DIP2C: variants seen among roughly 807,000 people sequenced by gnomAD.
DIP2C encodes DIP2 acetate--CoA ligase C (putative), also known as disco-interacting protein 2 homolog C.
A neutral mutation model predicts 192.4 loss-of-function variants in DIP2C; 33 were observed. That is an observed-to-expected ratio of 0.17 (90% CI 0.13 to 0.23). The LOEUF is 0.23. DIP2C is among the 10% of genes least tolerant of loss of function. The pLI, the probability that DIP2C is intolerant of heterozygous loss-of-function variation, is 1.00. For synonymous variants in DIP2C, 979 were observed against 864.1 expected (o/e 1.13, Z -2.33); for missense variants, 1,537 against 2,110.1 (o/e 0.73, Z 5.32).
chr10:415,606 G>C (rs1965575938), intron 7 of DIP2C, among the ~76,000 whole-genome samples, 163 bp downstream of exon 7: 1 of 152,110 alleles, frequency 6.6e-6, no homozygotes, highest in Non-Finnish European at 1.5e-5. Context: ...CCGACACCAA[G>C]GCTGCCTGGG....
intron 1 of DIP2C, among the ~76,000 whole-genome samples, chr10:660,294 AGAGATT>A (rs1564317313): frequency 6.7e-6 from 1 of 150,358 alleles, no homozygotes; most frequent in African/African-American, 2.5e-5. Context: ...TGTATGAAAC[AGAGATT>A]CTAGCCCTTG....
chr10:610,725 G>A, intron 1 of DIP2C, among the ~76,000 whole-genome samples: 1 of 151,782 alleles, frequency 6.6e-6, no homozygotes, highest in Non-Finnish European at 1.5e-5. Flanking sequence ...CTGGTGGGCG[G>A]TGACTGACTC....
chr10:616,404 T>C (rs1344147501), intron 1 of DIP2C, among the ~76,000 whole-genome samples: 1 of 152,238 alleles, frequency 6.6e-6, no homozygotes, highest in Non-Finnish European at 1.5e-5. Flanking sequence ...CAAATTAATT[T>C]GCTTTGTTCA....
intron 1 of DIP2C, among the ~76,000 whole-genome samples, chr10:598,584 C>T (rs910325087): frequency 6.6e-6 from 1 of 152,102 alleles, no homozygotes; most frequent in African/African-American, 2.4e-5. Flanking sequence ...TCACGCCACC[C>T]CTCCCCACCC....
At chr10:538,165 G>C (rs1431708926) in intron 1 of DIP2C, among the ~76,000 whole-genome samples, 2 of 152,060 alleles carry the variant, frequency 1.3e-5, no homozygotes, top group African/African-American at 4.8e-5. Flanking sequence ...GCTTCCCGAG[G>C]AGTTTTCTTT....
chr10:307,740 C>A (rs1190502544), intron 32 of DIP2C, among the ~76,000 whole-genome samples: 1 of 152,218 alleles, frequency 6.6e-6, no homozygotes, highest in African/African-American at 2.4e-5. Context: ...GGAAGGGCAG[C>A]GTGGTGTCCC....
At chr10:314,560 C>T (rs1200306044) in intron 31 of DIP2C, among the ~76,000 whole-genome samples, 4 of 152,346 alleles carry the variant, frequency 2.6e-5, no homozygotes, top group African/African-American at 7.2e-5. Flanking sequence ...AGCTGGACGC[C>T]GTCCTTCCCA....
chr10:662,155 C>G, intron 1 of DIP2C: 3 of 716,756 alleles, frequency 4.2e-6, no homozygotes, highest in Non-Finnish European at 7.8e-6. Context: ...ATCTAACTTT[C>G]TGCCCTCAGA....
intron 1 of DIP2C, among the ~76,000 whole-genome samples, chr10:505,694 C>T (rs757345192): frequency 3.2e-4 from 49 of 151,514 alleles, no homozygotes; most frequent in African/African-American, 6.8e-4. Flanking sequence ...GTGCCCCTGA[C>T]GCCACAGGAG....
chr10:435,946 A>G (rs946502278), intron 4 of DIP2C, among the ~76,000 whole-genome samples: 3 of 151,754 alleles, frequency 2.0e-5, no homozygotes, highest in Non-Finnish European at 2.9e-5. Flanking sequence ...CTTTAAACCT[A>G]CTTTGTAGCC....
intron 1 of DIP2C, among the ~76,000 whole-genome samples, chr10:560,388 A>G (rs1420472009): frequency 2.0e-5 from 3 of 152,100 alleles, no homozygotes; most frequent in Non-Finnish European, 4.4e-5. Flanking sequence ...CATTTAAAAA[A>G]AAAAAGAAAA....
rs550481276 is a variant in DIP2C at position 367,160 on chromosome 10, G to A, written c.2132-749C>T. 2.6e-5 allele frequency among the ~76,000 whole-genome samples: 4 copies of A among 152,350 alleles called. No individual in the cohort carries two copies. In the East Asian group the frequency reaches 5.8e-4, roughly 22 times the overall value. The stretch of plus-strand genomic sequence containing the variant: ...AGGCCGGACGCGGTGGCTCACGCCT[G>A]TAATCCCAGTACTTTGGGAGGCCGA... On this transcript the variant is annotated intron_variant, in intron 18 of 36. Transcript: ENST00000280886.
chr10:572,093 T>TA (rs1849855000), intron 1 of DIP2C, among the ~76,000 whole-genome samples: 1 of 152,228 alleles, frequency 6.6e-6, no homozygotes, highest in Admixed American at 6.5e-5. Flanking sequence ...CGGGATTGAG[T>TA]GACAGCCTTC....
chr10:550,570 TA>T (rs1319121983), intron 1 of DIP2C, among the ~76,000 whole-genome samples: 4 of 152,146 alleles, frequency 2.6e-5, no homozygotes, highest in African/African-American at 9.7e-5. Flanking sequence ...TCAGTGCTAT[TA>T]CAACAATCAG....
chr10:460,750 T>C (rs1969706082), intron 3 of DIP2C, among the ~76,000 whole-genome samples: 1 of 152,000 alleles, frequency 6.6e-6, no homozygotes, highest in African/African-American at 2.4e-5. Context: ...AGACACATAA[T>C]TGTCAGATTC....
intron 1 of DIP2C, among the ~76,000 whole-genome samples, chr10:549,020 T>C (rs1848456081): frequency 6.7e-6 from 1 of 148,196 alleles, no homozygotes; most frequent in South Asian, 2.1e-4. Context: ...CTAACGTGAA[T>C]GGGGGAAAAA....
intron 3 of DIP2C, among the ~76,000 whole-genome samples, chr10:459,245 T>A (rs538671350): frequency 6.9e-6 from 1 of 145,736 alleles, no homozygotes; most frequent in South Asian, 2.2e-4. Context: ...CACTGTGCAC[T>A]CAGGAGACAA....
intron 30 of DIP2C, among the ~76,000 whole-genome samples, chr10:329,197 T>C (rs1957393648): frequency 6.6e-6 from 1 of 152,248 alleles, no homozygotes; most frequent in African/African-American, 2.4e-5. Flanking sequence ...CCCAGTGGAA[T>C]GACAGGCATT....
chr10:662,387 C>T (rs544802218), intron 1 of DIP2C, among the ~76,000 whole-genome samples: 1 of 152,358 alleles, frequency 6.6e-6, no homozygotes, highest in African/African-American at 2.4e-5. Context: ...TGCTGCCTTG[C>T]CCAGACCTCA....
Sources: allele counts gnomAD v4.1 joint callset (sites outside exome capture counted in the v4.1 genomes callset), GRCh38; gene constraint gnomAD v4.1.1; transcripts MANE v1.5; gene names NCBI Gene and HGNC (gene_info 2026-07-23, HGNC 2026-07-21).